Variants in SPOCK1 observed in about 807,000 individuals in gnomAD.
SPOCK1 encodes the protein testican-1.
In SPOCK1, 23 loss-of-function variants were observed where a neutral mutation model predicts 55.3. The ratio of observed to expected loss-of-function variants is 0.42; its 90% CI spans 0.30 to 0.59. The LOEUF is 0.59. Ranked by LOEUF, SPOCK1 falls within the 20% of genes least tolerant of loss-of-function variation. SPOCK1 has a pLI of 0.22. For synonymous variants in SPOCK1, 226 were observed against 221.0 expected (o/e 1.02, Z -0.20); for missense variants, 499 against 552.5 (o/e 0.90, Z 0.97).
At chr5:137,035,065 G>A (rs1054279935) in intron 6 of SPOCK1, among the ~76,000 whole-genome samples, 2 of 152,158 alleles carry the variant, frequency 1.3e-5, no homozygotes, top group African/African-American at 2.4e-5. Context: ...TGTGAGTGAG[G>A]CCACAAGCAA....
rs1756772578 is a variant in SPOCK1, at chr5:137,262,783, C to CTA, written c.232+4226_232+4227insTA. Among the ~76,000 whole-genome samples, 5 of 152,042 alleles carry CTA rather than the reference C, an allele frequency of 3.3e-5. No homozygotes were observed. The South Asian group carries it at 1.0e-3, about 32-fold the overall frequency. ...CAGAGCATCACAACTTGGAAGGCCACCAGAAAGGAACAAAAGGAGAAGGGA... is the reference window on the plus strand; with the variant it reads ...CAGAGCATCACAACTTGGAAGGCCACTACAGAAAGGAACAAAAGGAGAAGGGA... On this transcript the variant is annotated intron_variant, in intron 3 of 10. Coordinates refer to ENST00000394945, the MANE Select transcript of SPOCK1 (RefSeq NM_004598.4).
intron 5 of SPOCK1, among the ~76,000 whole-genome samples, chr5:137,102,342 T>C (rs1308058588): frequency 6.6e-6 from 1 of 152,150 alleles, no homozygotes; most frequent in Non-Finnish European, 1.5e-5. Context: ...TTGGTGTTTC[T>C]AGGCTGGGAG....
At chr5:136,996,949 T>C (rs181436178) in intron 6 of SPOCK1, among the ~76,000 whole-genome samples, 148 of 152,236 alleles carry the variant, frequency 9.7e-4, no homozygotes, top group African/African-American at 3.2e-3. Context: ...CCTCTTACTC[T>C]TTGGGTCTGT....
intron 3 of SPOCK1, among the ~76,000 whole-genome samples, chr5:137,167,532 C>T (rs1389903847): frequency 2.0e-5 from 3 of 151,686 alleles, no homozygotes; most frequent in East Asian, 3.9e-4. Context: ...TTTTTCAGCA[C>T]CTAGATCATT....
chr5:137,418,611 A>C (rs1752405900), intron 2 of SPOCK1, among the ~76,000 whole-genome samples: 2 of 152,034 alleles, frequency 1.3e-5, no homozygotes, highest in Non-Finnish European at 2.9e-5. Context: ...TTTTTTTGAG[A>C]AGTGTCTGTT....
At chr5:136,990,554 CTTT>C (rs1346340300) in intron 7 of SPOCK1, among the ~76,000 whole-genome samples, 1 of 146,102 alleles carries the variant, frequency 6.8e-6, no homozygotes, top group Non-Finnish European at 1.5e-5. Flanking sequence ...CCACCCCCCT[CTTT>C]TTTTTTTTCC....
intron 2 of SPOCK1, among the ~76,000 whole-genome samples, chr5:137,477,025 C>T (rs1215079771): frequency 6.6e-6 from 1 of 152,158 alleles, no homozygotes; most frequent in Non-Finnish European, 1.5e-5. Flanking sequence ...AAGATTTAAT[C>T]ACCGAAAATG....
chr5:137,086,084 G>C (rs1471546951), intron 5 of SPOCK1, among the ~76,000 whole-genome samples: 1 of 152,178 alleles, frequency 6.6e-6, no homozygotes, highest in African/African-American at 2.4e-5. Context: ...CTCCCCATCT[G>C]ACCCATCTCC....
chr5:137,012,814 T>C (rs1450905976), intron 6 of SPOCK1, among the ~76,000 whole-genome samples: 3 of 152,242 alleles, frequency 2.0e-5, no homozygotes, highest in Non-Finnish European at 4.4e-5. Context: ...CTTACAACTA[T>C]AAGGCTTATC....
intron 2 of SPOCK1, among the ~76,000 whole-genome samples, chr5:137,435,421 T>C (rs1160888024): frequency 2.0e-5 from 3 of 152,084 alleles, no homozygotes; most frequent in Non-Finnish European, 2.9e-5. Context: ...TTTTCTTTCC[T>C]TTCCAACAGC....
At chr5:137,052,705 GT>G (rs1752228385) in intron 6 of SPOCK1, among the ~76,000 whole-genome samples, 1 of 152,040 alleles carries the variant, frequency 6.6e-6, no homozygotes, top group Admixed American at 6.6e-5. Flanking sequence ...TTAAAAATCA[GT>G]TTTTAAAAGA....
chr5:137,166,844 A>G (rs1754656521), intron 3 of SPOCK1, among the ~76,000 whole-genome samples: 2 of 152,030 alleles, frequency 1.3e-5, no homozygotes, highest in Non-Finnish European at 2.9e-5. Context: ...GCAAGAAATT[A>G]TATCACCAGA....
chr5:137,437,704 A>T (rs1342202919), intron 2 of SPOCK1, among the ~76,000 whole-genome samples: 2 of 152,246 alleles, frequency 1.3e-5, no homozygotes, highest in Non-Finnish European at 2.9e-5. Context: ...TGGGATATCT[A>T]GTACCTTATA....
rs1191051173 is a variant in SPOCK1, at chr5:137,356,798, AATATAT to A, written c.187-89749_187-89744del. The stretch of plus-strand genomic sequence containing the variant: ...AGAGCAAGACTGTCTCAAAAAAAAT[AATATAT>A]ATATATATATATATATATATATATA... On this transcript the variant is annotated intron_variant, in intron 2 of 10. Transcript: ENST00000394945. Among the ~76,000 whole-genome samples the A allele has an allele frequency of 7.7e-3, 106 of 13,706 alleles. 2 individuals are homozygous for A. The highest frequency in any genetic ancestry group is 0.018 in the African/African-American group (50 of 2,802). 9.0% of individuals were successfully genotyped at this position (13,706 alleles called of 152,430 possible). A position where few individuals can be genotyped will look rare whatever the true frequency, so the allele number is the denominator to read the frequency against.
chr5:137,355,928 T>C (rs1363365451), intron 2 of SPOCK1, among the ~76,000 whole-genome samples: 2 of 152,106 alleles, frequency 1.3e-5, no homozygotes, highest in African/African-American at 4.8e-5. Flanking sequence ...CTTGGACACA[T>C]CCTGCTGGAG....
At chr5:137,435,643 T>C (rs373775500) in intron 2 of SPOCK1, among the ~76,000 whole-genome samples, 7 of 152,204 alleles carry the variant, frequency 4.6e-5, no homozygotes, top group African/African-American at 1.7e-4. Context: ...GTGGGAGGCA[T>C]TGAAAGGCTT....
chr5:137,126,692 G>A (rs1753787308), intron 4 of SPOCK1, among the ~76,000 whole-genome samples: 1 of 152,150 alleles, frequency 6.6e-6, no homozygotes, highest in Non-Finnish European at 1.5e-5. Context: ...AACCCAGGAG[G>A]CGGAGGCTGC....
intron 3 of SPOCK1, among the ~76,000 whole-genome samples, chr5:137,193,193 G>A (rs1458359456): frequency 6.6e-6 from 1 of 152,132 alleles, no homozygotes; most frequent in African/African-American, 2.4e-5. Context: ...AGGTTTAAGA[G>A]GGTCATGTTA....
At chr5:137,244,537 T>C (rs953923075) in intron 3 of SPOCK1, among the ~76,000 whole-genome samples, 4 of 152,246 alleles carry the variant, frequency 2.6e-5, no homozygotes, top group Non-Finnish European at 5.9e-5. Flanking sequence ...AATTAATTTC[T>C]GACAGAACTA....
Sources: allele counts gnomAD v4.1 joint callset (sites outside exome capture counted in the v4.1 genomes callset), GRCh38; gene constraint gnomAD v4.1.1; transcripts MANE v1.5; gene names NCBI Gene and HGNC (gene_info 2026-07-23, HGNC 2026-07-21).